Variants in MNAT1 observed in about 807,000 individuals in gnomAD.
The protein encoded by MNAT1 is MNAT1 component of CDK activating kinase, also known as CDK-activating kinase assembly factor MAT1.
In MNAT1, 43 loss-of-function variants were observed where a neutral mutation model predicts 42.0. The observed-to-expected ratio is 1.02, with a 90% confidence interval of 0.80 to 1.32. The LOEUF (loss-of-function observed/expected upper bound fraction) is 1.32. Ranked by LOEUF, MNAT1 falls within the 40% of genes most tolerant of loss-of-function variation. The pLI, the probability that MNAT1 is intolerant of heterozygous loss-of-function variation, is 0.00. For synonymous variants in MNAT1, 118 were observed against 120.0 expected (o/e 0.98, Z 0.11); for missense variants, 306 against 350.4 (o/e 0.87, Z 1.01).
chr14:60,738,080 CAA>C (rs35298974), intron 1 of MNAT1, among the ~76,000 whole-genome samples: 2,009 of 115,668 alleles, frequency 0.017, 39 homozygotes, highest in African/African-American at 0.056. Flanking sequence ...CCCTATCTTA[CAA>C]AAAAAAAAAA....
chr14:60,907,423 ACT>A (rs1263847705), intron 7 of MNAT1, among the ~76,000 whole-genome samples: 16 of 107,756 alleles, frequency 1.5e-4, no homozygotes, highest in African/African-American at 4.8e-4. Flanking sequence ...ACAGAGCAAG[ACT>A]CTGTCTCACC....
intron 6 of MNAT1, among the ~76,000 whole-genome samples, chr14:60,858,044 T>C (rs2034004802): frequency 1.3e-5 from 2 of 152,218 alleles, no homozygotes; most frequent in South Asian, 2.1e-4. Context: ...TACGTGTGCA[T>C]GTGTCTTTAT....
chr14:60,842,706 T>C (rs2033583583), intron 6 of MNAT1, among the ~76,000 whole-genome samples: 1 of 152,234 alleles, frequency 6.6e-6, no homozygotes, highest in Non-Finnish European at 1.5e-5. Context: ...TTCCATTTGT[T>C]TGAATATAAA....
At position 60,761,793 on chromosome 14, in the gene MNAT1, C is replaced by T. The variant is rs1297479279; in HGVS notation, c.89+26842C>T. Among the ~76,000 whole-genome samples the T allele has an allele frequency of 2.0e-5, 3 of 152,278 alleles. No individual in the cohort carries two copies. The East Asian group carries it at 5.8e-4, about 29-fold the overall frequency. The stretch of plus-strand genomic sequence containing the variant: ...TTGCCCTAGTAATTAGGTTTCTTTC[C>T]TTATCAAGTGTAACACTAATTAAAT... On this transcript the variant is annotated intron_variant, in intron 1 of 7. Transcript: ENST00000261245.
At chr14:60,966,185 GGT>G (rs2036679200) in intron 7 of MNAT1, among the ~76,000 whole-genome samples, 1 of 151,990 alleles carries the variant, frequency 6.6e-6, no homozygotes, top group African/African-American at 2.4e-5. Flanking sequence ...GGAGTGCAGT[GGT>G]GCGATCTCCG....
intron 7 of MNAT1, chr14:60,920,123 AGAGGCT>A (rs887926165): frequency 3.3e-5 from 5 of 152,626 alleles, no homozygotes; most frequent in Admixed American, 2.6e-4. Context: ...CAGTGGGGCC[AGAGGCT>A]GGGGGCGGCC....
intron 6 of MNAT1, among the ~76,000 whole-genome samples, chr14:60,853,391 A>G (rs189748349): frequency 6.6e-6 from 1 of 152,180 alleles, no homozygotes; most frequent in African/African-American, 2.4e-5. Context: ...TTGCTCATTG[A>G]TTTTGTATCC....
chr14:60,958,340 C>T (rs1466154007), intron 7 of MNAT1, among the ~76,000 whole-genome samples: 5 of 152,030 alleles, frequency 3.3e-5, no homozygotes, highest in African/African-American at 1.2e-4. Context: ...AAACTCTTCC[C>T]ACTTACTCCT....
chr14:60,785,228 T>C (rs543412620), intron 1 of MNAT1, among the ~76,000 whole-genome samples: 4 of 152,204 alleles, frequency 2.6e-5, no homozygotes, highest in Admixed American at 1.3e-4. Context: ...ATTAAGTTGA[T>C]TGTTGGGTGG....
intron 6 of MNAT1, among the ~76,000 whole-genome samples, chr14:60,841,733 T>C (rs989648756): frequency 6.6e-6 from 1 of 152,246 alleles, no homozygotes; most frequent in African/African-American, 2.4e-5. Flanking sequence ...GGGATGCAGT[T>C]AAGTTAGCTA....
chr14:60,843,882 C>A (rs4902009), intron 6 of MNAT1, among the ~76,000 whole-genome samples: 151,463 of 152,320 alleles, frequency 0.99, 75,316 homozygotes, highest in East Asian at 1. Flanking sequence ...CAAGTCACAA[C>A]GATAATTCTC....
chr14:60,877,636 A>T (rs1476381905), intron 6 of MNAT1, among the ~76,000 whole-genome samples: 2 of 152,094 alleles, frequency 1.3e-5, no homozygotes, highest in African/African-American at 4.8e-5. Flanking sequence ...AGAGAAATTG[A>T]TAGAACTATA....
intron 6 of MNAT1, among the ~76,000 whole-genome samples, chr14:60,873,126 T>C (rs184755554): frequency 5.6e-4 from 86 of 152,266 alleles, no homozygotes; most frequent in East Asian, 5.6e-3. Context: ...CCTTCCAAAT[T>C]AGTACTGAGC....
chr14:60,819,465 G>A (rs1233571436), intron 6 of MNAT1, among the ~76,000 whole-genome samples: 3 of 151,384 alleles, frequency 2.0e-5, no homozygotes, highest in Non-Finnish European at 4.4e-5. Flanking sequence ...TGTTTGAGAT[G>A]TAGCCACTCT....
At chr14:60,948,136 A>G (rs538267980) in intron 7 of MNAT1, among the ~76,000 whole-genome samples, 1 of 152,260 alleles carries the variant, frequency 6.6e-6, no homozygotes, top group South Asian at 2.1e-4. Flanking sequence ...TCTGTTTTAA[A>G]AGATACTGAA....
rs200425704 is a variant in MNAT1, at chr14:60,902,947, G to GA, written c.809+23120dup. ...GTTTTTATCTAGGAGTCAGTCAGCT[G>GA]AAAAAAAATTTTTTTTCTTTTCAAT... is the stretch of plus-strand genomic sequence containing the variant. On this transcript the variant is annotated intron_variant, in intron 7 of 7. Transcript: ENST00000261245. 2.5e-3 allele frequency among the ~76,000 whole-genome samples: 382 copies of GA among 151,686 alleles called. 3 individuals carry two copies. Among genetic ancestry groups the GA allele is most frequent in the African/African-American group, 8.9e-3 (369 of 41,432 alleles).
intron 6 of MNAT1, among the ~76,000 whole-genome samples, chr14:60,855,386 G>C (rs1053172363): frequency 2.0e-5 from 3 of 152,166 alleles, no homozygotes; most frequent in Admixed American, 2.0e-4. Flanking sequence ...CAGCTAGGTT[G>C]GTGTCTGTCT....
At chr14:60,878,319 A>G (rs1054826157) in intron 6 of MNAT1, among the ~76,000 whole-genome samples, 6 of 152,144 alleles carry the variant, frequency 3.9e-5, no homozygotes, top group African/African-American at 1.2e-4. Flanking sequence ...GAATTTAACT[A>G]TGTCAGCGAA....
At chr14:60,831,193 G>A (rs2033204010) in intron 6 of MNAT1, among the ~76,000 whole-genome samples, 1 of 151,278 alleles carries the variant, frequency 6.6e-6, no homozygotes, top group Non-Finnish European at 1.5e-5. Context: ...AGATACATAT[G>A]GGATACATGT....
Sources: allele counts gnomAD v4.1 joint callset (sites outside exome capture counted in the v4.1 genomes callset), GRCh38; gene constraint gnomAD v4.1.1; transcripts MANE v1.5; gene names NCBI Gene and HGNC (gene_info 2026-07-23, HGNC 2026-07-21).